NOX1: variants seen among roughly 807,000 people sequenced by gnomAD.
NOX1 encodes the protein NADH/NADPH mitogenic oxidase subunit P65-MOX.
Under a neutral mutation model 42.5 loss-of-function variants are expected in NOX1, and 34 were observed. That is an observed-to-expected ratio of 0.80 (90% CI 0.61 to 1.07). The LOEUF (loss-of-function observed/expected upper bound fraction) is 1.07. Ranked by LOEUF, NOX1 falls within the 50% of genes least tolerant of loss-of-function variation. The probability of loss-of-function intolerance (pLI) is 0.00; values close to 1 mark genes in which losing one functional copy is unlikely to be tolerated. For synonymous variants in NOX1, 143 were observed against 152.5 expected, an observed-to-expected ratio of 0.94 and a Z score of 0.46; for missense variants, 408 against 427.0, an observed-to-expected ratio of 0.96 and a Z score of 0.39.
chrX:100,855,803 T>C (rs2085163042), intron 7 of NOX1: 19 of 1,110,119 alleles, frequency 1.7e-5, no homozygotes, highest in Non-Finnish European at 2.3e-5. Flanking sequence ...CACTTCGACC[T>C]CTTTGGCTGG....
chrX:100,858,603 T>C (rs748186309), intron 7 of NOX1, among the ~76,000 whole-genome samples: 13 of 111,634 alleles, frequency 1.2e-4, no homozygotes, highest in Non-Finnish European at 1.9e-5. Flanking sequence ...ATCTCTAATT[T>C]CTTTGAGCAG....
At chrX:100,856,961 T>C (rs1174089929) in intron 7 of NOX1, among the ~76,000 whole-genome samples, 5 of 111,484 alleles carry the variant, frequency 4.5e-5, no homozygotes, top group Non-Finnish European at 9.4e-5. Flanking sequence ...GGGTTTGGTG[T>C]ACAGATTATT....
chrX:100,870,292 C>A (rs1305457945), intron 2 of NOX1, among the ~76,000 whole-genome samples: 1 of 109,162 alleles, frequency 9.2e-6, no homozygotes, highest in Non-Finnish European at 1.9e-5. Flanking sequence ...GGAGCAGGAG[C>A]AGGAGCACTG....
rs772834730 is a variant in NOX1, at chrX:100,851,261, C to T, written c.869G>A (p.Arg290His). 2.3e-5 allele frequency: 27 copies of T among 1,189,985 alleles called. No individual in the cohort carries two copies. The highest frequency in any genetic ancestry group is 3.6e-5 in the South Asian group (2 of 54,845). ...YICERILRFY[R>H]SQQKVVITKV... is the part of the protein sequence containing the mutation. ...GGTAATCACAACCTTCTGCTGGGAG[C>T]GGTAAAACCGGAGGATCCTTTCACA... Residue 290 changes from arginine to histidine, a missense_variant, in exon 8 of 13, where the codon CGC becomes CAC. Coordinates refer to ENST00000372966, the MANE Select transcript of NOX1 (RefSeq NM_007052.5).
In NOX1 at chrX:100,849,920, C is replaced by T. The variant is rs1452322958; in HGVS notation, c.1148G>A (p.Gly383Asp). 3 of 1,197,263 alleles carry T rather than the reference C, an allele frequency of 2.5e-6. No individual in the cohort carries two copies. The highest frequency in any genetic ancestry group is 3.4e-6 in the Non-Finnish European group (3 of 889,840). ...ATCCTCACTGGCTGTGCCAAAGGGACCATCCACTTCAATCCTGGCAGAAGA... is the reference window on the plus strand; with the variant it reads ...ATCCTCACTGGCTGTGCCAAAGGGATCATCCACTTCAATCCTGGCAGAAGA... ...YSPIPRIEVD[G>D]PFGTASEDVF... The change falls in exon 10 of 13, where the codon GGT (glycine) becomes GAT (aspartate). Residue 383 changes from glycine (G) to aspartate (D), a missense_variant. Physicochemically the swap from Gly to Asp is moderately conservative, Grantham distance 94. Transcript: ENST00000372966.
intron 7 of NOX1, chrX:100,856,431 G>A (rs1200962391): frequency 1.7e-5 from 8 of 459,814 alleles, no homozygotes; most frequent in African/African-American, 7.2e-5. Context: ...TGGCGTACAC[G>A]GGCGGAAAGG....
rs751616376 is a variant in NOX1 at position 100,843,365 on chromosome X, A to G, written c.*587T>C. On this transcript the variant is annotated 3_prime_UTR_variant, in exon 13 of 13. Transcript: ENST00000372966. Reference sequence around the variant, plus strand: ...ATCCTTTATTTTTTGATGAGCAAAAATAAGAATAAATTGCTGTTCACACTG... The same window carrying G: ...ATCCTTTATTTTTTGATGAGCAAAAGTAAGAATAAATTGCTGTTCACACTG... 1.0e-4 allele frequency: 113 copies of G among 1,076,992 alleles called. No individual in the cohort carries two copies. Among genetic ancestry groups the G allele is most frequent in the Non-Finnish European group, 1.3e-4 (111 of 831,957 alleles). The allele number at this position is 1,076,992 out of a possible 1,213,427, so 88.8% of individuals were successfully genotyped here. A position where few individuals can be genotyped will look rare whatever the true frequency, so the allele number is the denominator to read the frequency against.
Position 100,844,052 on chromosome X carries a change from C to T in NOX1, c.1595G>A (p.Gly532Asp). ...PKSVVGVFLC[G>D]PRTLAKSLRK... ...CAGGCTCTTTGCCAAAGTCCGAGGG[C>T]CACATAAGAAAACTCCCACTACAGA... Residue 532 changes from glycine to aspartate, a missense_variant, in exon 13 of 13, where the codon GGC (glycine) becomes GAC (aspartate). Transcript: ENST00000372966. 1 of 1,197,381 alleles carries T rather than the reference C, an allele frequency of 8.4e-7. No individual in the cohort carries two copies. Among genetic ancestry groups the T allele is most frequent in the Non-Finnish European group, 1.1e-6 (1 of 886,636 alleles).
chrX:100,864,991 C>T (rs1263039922), intron 2 of NOX1, among the ~76,000 whole-genome samples: 1 of 112,297 alleles, frequency 8.9e-6, no homozygotes, highest in Non-Finnish European at 1.9e-5. Flanking sequence ...ATTGATTTTT[C>T]CTTATATCGT....
intron 7 of NOX1, among the ~76,000 whole-genome samples, chrX:100,852,448 G>C (rs1252994347): frequency 1.8e-5 from 2 of 112,359 alleles, no homozygotes; most frequent in African/African-American, 3.2e-5. Context: ...GGGTGACAGA[G>C]TGAGACTCCG....
In NOX1 at chrX:100,862,776, T is replaced by C. The variant is rs759094211; in HGVS notation, c.382A>G (p.Arg128Gly). The change falls in exon 5 of 13, where the codon AGA becomes GGA. Residue 128 changes from arginine to glycine, a missense_variant. Physicochemically the swap from Arg to Gly is moderately radical, Grantham distance 125. Transcript: ENST00000372966. The stretch of plus-strand genomic sequence containing the variant: ...GAGCCATCTGTGGCCTGTCGGCTTC[T>C]GCTATAGCAGTCAAAGTTAAACAGG... The part of the protein sequence containing the change: ...AHLFNFDCYS[R>G]SRQATDGSLA... 1.3e-5 allele frequency: 16 copies of C among 1,197,277 alleles called. No individual in the cohort carries two copies. The East Asian group carries it at 4.4e-4, about 33-fold the overall frequency.
intron 1 of NOX1, among the ~76,000 whole-genome samples, chrX:100,871,753 C>T (rs1034080372): frequency 1.8e-5 from 2 of 111,217 alleles, no homozygotes; most frequent in African/African-American, 3.3e-5. Context: ...ATATCCCTCG[C>T]CCCACAGTAT....
chrX:100,849,261 G>T lies in NOX1; in HGVS notation c.1443+19C>A, dbSNP rs1298235585. 9.1e-6 allele frequency: 11 copies of T among 1,205,802 alleles called. No homozygotes were observed. The highest frequency in any genetic ancestry group is 1.2e-5 in the Non-Finnish European group (11 of 890,810). ...CGTCTTATGTTTAGTAGGGGAATTA[G>T]TGTGTTATTTGGACTCACAATATTG... On this transcript the variant is annotated intron_variant, in intron 11 of 12. Transcript: ENST00000372966.
At chrX:100,847,739 C>T (rs1602380111) in intron 12 of NOX1, among the ~76,000 whole-genome samples, 1 of 91,932 alleles carries the variant, frequency 1.1e-5, no homozygotes, top group East Asian at 3.3e-4. Context: ...GCACTCCAGC[C>T]TGGGCGACAA....
At position 100,851,302 on chromosome X, in the gene NOX1, C is replaced by T. The variant is rs1261108096; in HGVS notation, c.828G>A (p.Pro276=). 1.8e-5 allele frequency: 21 copies of T among 1,184,848 alleles called. No individual in the cohort carries two copies. The highest frequency in any genetic ancestry group is 2.2e-5 in the Non-Finnish European group (19 of 877,002). ...TCCTTTCACAGATATAAAGAATGACCGGTGCAAGGATCCACTTCCAAGACT... is the reference window on the plus strand; with the variant it reads ...TCCTTTCACAGATATAAAGAATGACTGGTGCAAGGATCCACTTCCAAGACT... The part of the protein sequence containing the change: ...PPESWKWILA[P]VILYICERIL... The change falls in exon 8 of 13, where the codon CCG becomes CCA. Residue 276 remains proline, a synonymous_variant. Coordinates refer to ENST00000372966, the MANE Select transcript of NOX1 (RefSeq NM_007052.5).
At chrX:100,845,420 C>T (rs1230023049) in intron 12 of NOX1, among the ~76,000 whole-genome samples, 1 of 110,175 alleles carries the variant, frequency 9.1e-6, no homozygotes, top group Non-Finnish European at 1.9e-5. Flanking sequence ...AATAATATTC[C>T]AGTATGTGAA....
intron 7 of NOX1, among the ~76,000 whole-genome samples, chrX:100,851,957 T>C (rs2147906492): frequency 9.0e-6 from 1 of 111,516 alleles, no homozygotes; most frequent in Admixed American, 9.5e-5. Context: ...AATCTAAGAC[T>C]GTCTTCGAGG....
At position 100,853,280 on chromosome X, in the gene NOX1, T is replaced by TTCTTTCTCTCTCTTTC. The variant is rs2085132291; in HGVS notation, c.805-1956_805-1955insGAAAGAGAGAGAAAGA. Among the ~76,000 whole-genome samples the TTCTTTCTCTCTCTTTC allele has an allele frequency of 1.5e-4, 11 of 72,747 alleles. 1 individual carries two copies. Among genetic ancestry groups the TTCTTTCTCTCTCTTTC allele is most frequent in the African/African-American group, 6.7e-4 (11 of 16,391 alleles). The allele number at this position is 72,747 out of a possible 115,157, so 63.2% of individuals were successfully genotyped here. ...TTCCTTCCTTTCTTTCTTTCTTTCT[T>TTCTTTCTCTCTCTTTC]TCTTTCTTTCTTTCTTTCTTTCTTT... On this transcript the variant is annotated intron_variant, in intron 7 of 12. Transcript: ENST00000372966.
chrX:100,867,660 G>A (rs943206429), intron 2 of NOX1, among the ~76,000 whole-genome samples: 1 of 110,770 alleles, frequency 9.0e-6, no homozygotes, highest in African/African-American at 3.3e-5. Flanking sequence ...AAGCCTGGGA[G>A]AGTCGAGGCT....
Sources: allele counts gnomAD v4.1 joint callset (sites outside exome capture counted in the v4.1 genomes callset), GRCh38; gene constraint gnomAD v4.1.1; transcripts MANE v1.5; gene names NCBI Gene and HGNC (gene_info 2026-07-23, HGNC 2026-07-21).